The following AHI1 variants were observed in gnomAD, a reference collection of about 807,000 sequenced individuals.
AHI1 encodes Abelson helper integration site 1.
Under a neutral mutation model 149.3 loss-of-function variants are expected in AHI1, and 123 were observed. The observed-to-expected ratio is 0.82, with a 90% CI of 0.71 to 0.96. The LOEUF is 0.96. Ranked by LOEUF, AHI1 falls within the 40% of genes least tolerant of loss-of-function variation. The pLI, the probability that AHI1 is intolerant of heterozygous loss-of-function variation, is 0.00. For synonymous variants in AHI1, 475 were observed against 459.8 expected, an observed-to-expected ratio of 1.03 and a Z score of -0.42; for missense variants, 1,439 against 1,422.7, an observed-to-expected ratio of 1.01 and a Z score of -0.18.
At position 135,290,504 on chromosome 6, in the gene AHI1, C is replaced by T; in HGVS notation, c.3507G>A (p.Gln1169=). The T allele has an allele frequency of 1.2e-6, 2 of 1,613,814 alleles. No homozygotes were observed. The highest frequency in any genetic ancestry group is 1.7e-6 in the Non-Finnish European group (2 of 1,179,836). ...TTATGTGTCCTTGGTCCTCATGGCT[C>T]TGTTCTTTTCTCATTTCAGAACTAT... ...SMTHSEMRKE[Q]SHEDQGHIMD... is the part of the protein sequence containing the mutation. The change falls in exon 28 of 29, where the codon CAG becomes CAA. Residue 1169 remains glutamine (Q), a synonymous_variant. Transcript: ENST00000265602.
At position 135,466,360 on chromosome 6, in the gene AHI1, CTAATAGTG is replaced by C. The variant is rs1333095977; in HGVS notation, c.195_202del (p.Asp65GlufsTer8). On this transcript the variant is annotated frameshift_variant, in exon 7 of 29. Coordinates refer to ENST00000265602, the MANE Select transcript of AHI1 (RefSeq NM_001134831.2). LOFTEE classifies it high-confidence loss of function. ...TTCTTTAATATGGGGAAGATTGCTT[CTAATAGTG>C]TCGGGCTAGGAAAAGAAGACATGAT... 6.2e-7 allele frequency: 1 copy of C among 1,613,216 alleles called. No homozygotes were observed.
intron 23 of AHI1, among the ~76,000 whole-genome samples, chr6:135,390,015 T>A (rs993904544): frequency 1.4e-4 from 21 of 151,986 alleles, no homozygotes; most frequent in African/African-American, 2.9e-4. Context: ...TTTTGTGTTT[T>A]TTTTATTTTA....
intron 24 of AHI1, among the ~76,000 whole-genome samples, chr6:135,349,318 G>A (rs1265043280): frequency 6.6e-6 from 1 of 152,148 alleles, no homozygotes; most frequent in Non-Finnish European, 1.5e-5. Flanking sequence ...GAGAATTTAT[G>A]AAATGAAGAA....
At chr6:135,490,877 A>C (rs1009257099) in intron 4 of AHI1, 130 bp from the exon 5 acceptor site, 2 of 1,120,706 alleles carry the variant, frequency 1.8e-6, no homozygotes, top group Non-Finnish European at 1.3e-6. Flanking sequence ...AGAAAAACTC[A>C]CCTATCTTTC....
intron 24 of AHI1, among the ~76,000 whole-genome samples, chr6:135,331,990 C>T (rs1401737837): frequency 2.0e-5 from 3 of 151,912 alleles, no homozygotes; most frequent in Non-Finnish European, 4.4e-5. Flanking sequence ...TTGGTGAGTG[C>T]TGGATTTTCT....
intron 23 of AHI1, among the ~76,000 whole-genome samples, chr6:135,362,815 T>C (rs1488726728): frequency 1.3e-5 from 2 of 152,142 alleles, no homozygotes; most frequent in South Asian, 4.1e-4. Context: ...ACTCTGTGGG[T>C]TCTCTGTTTA....
At position 135,442,603 on chromosome 6, in the gene AHI1, G is replaced by A. The variant is rs748010693; in HGVS notation, c.1891C>T (p.Arg631Trp). 57 of 1,609,222 alleles carry A rather than the reference G, an allele frequency of 3.5e-5. No individual in the cohort carries two copies. The highest frequency in any genetic ancestry group is 5.3e-5 in the African/African-American group (4 of 74,822). The change falls in exon 14 of 29, where the codon CGG becomes TGG. Residue 631 changes from arginine (R) to tryptophan (W), a missense_variant. By Grantham distance (101) the Arg-to-Trp change is moderately radical (BLOSUM62 -3). Transcript: ENST00000265602. ...GRILAAACAS[R>W]DGYPIILYEI... ...TCACAAATAATTGGATATCCATCCC[G>A]GCTGGCACAAGCTGCTGCTAATATT...
intron 23 of AHI1, 182 bp downstream of exon 23, chr6:135,394,594 T>C (rs977923696): frequency 8.6e-6 from 7 of 811,858 alleles, no homozygotes; most frequent in Non-Finnish European, 1.3e-5. Context: ...CTGTTACCAA[T>C]TCCAAACTTA....
chr6:135,392,222 T>C (rs894022699), intron 23 of AHI1, among the ~76,000 whole-genome samples: 3 of 152,202 alleles, frequency 2.0e-5, no homozygotes, highest in Non-Finnish European at 4.4e-5. Flanking sequence ...GCTAAATAGA[T>C]GGCCTTAAAC....
chr6:135,462,809 G>A (rs528997996), intron 8 of AHI1, among the ~76,000 whole-genome samples: 2 of 152,184 alleles, frequency 1.3e-5, no homozygotes, highest in South Asian at 4.2e-4. Flanking sequence ...GCCGAGGCAG[G>A]AGAATCGCTT....
chr6:135,462,036 G>T (rs1432367880), intron 8 of AHI1, among the ~76,000 whole-genome samples: 1 of 151,856 alleles, frequency 6.6e-6, no homozygotes, highest in African/African-American at 2.4e-5. Context: ...TTAAAAATAT[G>T]TATATGAGTA....
intron 27 of AHI1, among the ~76,000 whole-genome samples, chr6:135,293,408 A>C (rs1782633360): frequency 1.6e-5 from 2 of 125,526 alleles, no homozygotes; most frequent in Non-Finnish European, 3.6e-5. Context: ...AAAAAAAAGA[A>C]AAAAAAAAAA....
chr6:135,481,488 T>C (rs1026936221), intron 5 of AHI1, among the ~76,000 whole-genome samples: 3 of 152,140 alleles, frequency 2.0e-5, no homozygotes, highest in African/African-American at 7.2e-5. Context: ...AGCATATTCA[T>C]GCTCAAAATG....
intron 21 of AHI1, among the ~76,000 whole-genome samples, chr6:135,407,245 AT>A (rs1780923558): frequency 6.6e-6 from 1 of 152,210 alleles, no homozygotes; most frequent in Non-Finnish European, 1.5e-5. Context: ...ACCATAATTT[AT>A]TAGAAAAACA....
intron 23 of AHI1, chr6:135,387,855 C>G (rs909366502): frequency 6.7e-7 from 1 of 1,488,736 alleles, no homozygotes; most frequent in Non-Finnish European, 8.9e-7. Flanking sequence ...TTGATTCTGA[C>G]AATTCTATGA....
At chr6:135,459,559 G>C (rs980273633) in intron 8 of AHI1, among the ~76,000 whole-genome samples, 1 of 151,822 alleles carries the variant, frequency 6.6e-6, no homozygotes, top group Non-Finnish European at 1.5e-5. Context: ...GCTAAAGGTT[G>C]GTTTTTGAAA....
At chr6:135,387,923 G>T in intron 23 of AHI1, 1 of 1,608,550 alleles carries the variant, frequency 6.2e-7, no homozygotes, top group Non-Finnish European at 8.5e-7. Flanking sequence ...TAACAAAACA[G>T]TTAGGAAGTG....
Position 135,465,795 on chromosome 6 carries a change from T to C in AHI1, c.749+19A>G, listed in dbSNP as rs73777548. ...TGTTTTTCTAAGAGGATATTTTACA[T>C]TTATCAATGCAAAAATACCTTGTTT... On this transcript the variant is annotated intron_variant, in intron 7 of 28. Coordinates refer to ENST00000265602, the MANE Select transcript of AHI1 (RefSeq NM_001134831.2). 6.9e-6 allele frequency: 10 copies of C among 1,443,732 alleles called. No homozygotes were observed. The South Asian group carries it at 1.2e-4, about 18-fold the overall frequency. The allele number at this position is 1,443,732 out of a possible 1,614,324, so 89.4% of individuals were successfully genotyped here. A position where few individuals can be genotyped will look rare whatever the true frequency, so the allele number is the denominator to read the frequency against.
intron 26 of AHI1, chr6:135,302,940 T>C (rs1784070791): frequency 3.5e-6 from 2 of 577,430 alleles, no homozygotes; most frequent in African/African-American, 2.0e-5. Flanking sequence ...AGTTGTTTTA[T>C]GACTTTGTTT....
Sources: gnomAD v4.1 joint callset for allele counts (sites outside exome capture counted in the v4.1 genomes callset) on GRCh38, gnomAD v4.1.1 for gene constraint, MANE v1.5 for transcripts, NCBI Gene and HGNC (gene_info 2026-07-23, HGNC 2026-07-21) for gene names.